The following EP300 variants were observed in gnomAD, a reference collection of about 807,000 sequenced individuals.
EP300 encodes histone acetyltransferase p300.
In EP300, 31 loss-of-function variants were observed where a neutral mutation model predicts 264.0. The ratio of observed to expected loss-of-function variants is 0.12; its 90% CI spans 0.09 to 0.16. The LOEUF (loss-of-function observed/expected upper bound fraction) is 0.16, where lower values mean the gene tolerates loss of function less well. Ranked by LOEUF, EP300 falls within the 10% of genes least tolerant of loss-of-function variation. The probability of loss-of-function intolerance (pLI) is 1.00; values close to 1 mark genes in which losing one functional copy is unlikely to be tolerated. For synonymous variants in EP300, 1,340 were observed against 1,045.4 expected (o/e 1.28, Z -5.44); for missense variants, 2,766 against 3,052.9 (o/e 0.91, Z 2.21).
Position 41,176,247 on chromosome 22 carries a change from GTCT to G in EP300, c.4785_4787del (p.Phe1596del). On this transcript the variant is annotated inframe_deletion and splice_region_variant, in exon 30 of 31. Transcript: ENST00000263253. ...AAAAAAGAGACTGTCTGTTTTTCAG[GTCT>G]TCTTTGTGATCCGCCTCATTGCTGG... 1 of 1,614,134 alleles carries G rather than the reference GTCT, an allele frequency of 6.2e-7. No individual in the cohort carries two copies. Among genetic ancestry groups the G allele is most frequent in the Non-Finnish European group, 8.5e-7 (1 of 1,180,014 alleles).
chr22:41,163,077 A>G (rs139063653), intron 21 of EP300, among the ~76,000 whole-genome samples: 19 of 152,326 alleles, frequency 1.2e-4, no homozygotes, highest in Admixed American at 2.6e-4. Context: ...AGATGTTCCT[A>G]AAATGGATGG....
At chr22:41,096,394 ATAGGAT>A (rs1229585571) in intron 1 of EP300, among the ~76,000 whole-genome samples, 1 of 152,108 alleles carries the variant, frequency 6.6e-6, no homozygotes, top group Non-Finnish European at 1.5e-5. Flanking sequence ...ACCTGGAAAG[ATAGGAT>A]TTTAGGATCT....
Position 41,179,038 on chromosome 22 carries a change from C to A in EP300, c.*82C>A. The stretch of plus-strand genomic sequence containing the variant: ...TGTACTGAAAACAATTTTTTTGAAT[C>A]TTTCGTAGCCTAAAAGACAATTTTC... On this transcript the variant is annotated 3_prime_UTR_variant, in exon 31 of 31. Coordinates refer to ENST00000263253, the MANE Select transcript of EP300 (RefSeq NM_001429.4). The A allele has an allele frequency of 6.5e-7, 1 of 1,527,208 alleles. No homozygotes were observed. The highest frequency in any genetic ancestry group is 1.4e-5 in the African/African-American group (1 of 73,066). 94.6% of individuals were successfully genotyped at this position (1,527,208 alleles called of 1,614,324 possible).
At chr22:41,135,519 A>G (rs1352785146) in intron 6 of EP300, among the ~76,000 whole-genome samples, 13 of 151,028 alleles carry the variant, frequency 8.6e-5, no homozygotes, top group Non-Finnish European at 1.9e-4. Context: ...TGGTCTCCTG[A>G]AGTGCTGAGA....
At chr22:41,130,868 A>G (rs2058915099) in intron 5 of EP300, among the ~76,000 whole-genome samples, 2 of 152,138 alleles carry the variant, frequency 1.3e-5, no homozygotes, top group Non-Finnish European at 2.9e-5. Flanking sequence ...CCACATCTCT[A>G]TAGCAACAAA....
chr22:41,170,955 G>A (rs1242159804), intron 27 of EP300, among the ~76,000 whole-genome samples: 1 of 143,092 alleles, frequency 7.0e-6, no homozygotes, highest in Non-Finnish European at 1.5e-5. Flanking sequence ...GAGCCACCGT[G>A]CCCAGCCTTT....
At chr22:41,094,712 C>A (rs1002803855) in intron 1 of EP300, among the ~76,000 whole-genome samples, 1 of 152,078 alleles carries the variant, frequency 6.6e-6, no homozygotes, top group Non-Finnish European at 1.5e-5. Flanking sequence ...GTGTTTCTTT[C>A]GTATTTGTGT....
rs569450790 is a variant in EP300, at chr22:41,117,627, G to A, written c.535G>A (p.Ala179Thr). ...MNAGMNPGML[A>T]AGNGQGIMPN... ...TGCGGGCATGAATCCTGGAATGTTG[G>A]CTGCAGGCAATGGACAAGGGATAAT... Residue 179 changes from alanine (A) to threonine (T), a missense_variant, in exon 2 of 31, where the codon GCT (alanine) becomes ACT (threonine). Ala to Thr is a moderately conservative substitution (Grantham distance 58). Transcript: ENST00000263253. 1 of 1,614,168 alleles carries A rather than the reference G, an allele frequency of 6.2e-7. No individual in the cohort carries two copies. Among genetic ancestry groups the A allele is most frequent in the African/African-American group, 1.3e-5 (1 of 75,034 alleles).
At chr22:41,136,737 G>T (rs2058953177) in intron 7 of EP300, among the ~76,000 whole-genome samples, 1 of 152,284 alleles carries the variant, frequency 6.6e-6, no homozygotes, top group Admixed American at 6.5e-5. Context: ...GTGTTAAAAT[G>T]ACAGCTTAGT....
chr22:41,169,763 C>T (rs2059159778), intron 26 of EP300, 147 bp downstream of exon 26: 1 of 643,660 alleles, frequency 1.6e-6, no homozygotes, highest in Non-Finnish European at 2.8e-6. Flanking sequence ...TGTTGGAGCC[C>T]CTTTGAAGTT....
chr22:41,099,981 T>C (rs1319240433), intron 1 of EP300, among the ~76,000 whole-genome samples: 2 of 152,234 alleles, frequency 1.3e-5, no homozygotes, highest in South Asian at 2.1e-4. Context: ...CTTTGGGAGA[T>C]TGAGGCAGGA....
intron 9 of EP300, 44 bp downstream of exon 9, chr22:41,140,301 G>A (rs201417514): frequency 6.8e-5 from 89 of 1,309,710 alleles, no homozygotes; most frequent in Middle Eastern, 3.6e-4. Context: ...GATTGAACCT[G>A]TTGTGGTTAT....
At chr22:41,161,667 A>T (rs1267092563) in intron 20 of EP300, among the ~76,000 whole-genome samples, 1 of 152,168 alleles carries the variant, frequency 6.6e-6, no homozygotes, top group Non-Finnish European at 1.5e-5. Flanking sequence ...GTAGGCAGTC[A>T]TTAGAATTCA....
rs1040452414 is a variant in EP300, at chr22:41,153,990, C to G, written c.3143-1005C>G. On this transcript the variant is annotated intron_variant, in intron 16 of 30. Transcript: ENST00000263253. ...CTGAAATTGAAAGCTTTTTAAATCA[C>G]TGGCTTCTCAAAGAACTGTTTGATT... Among the ~76,000 whole-genome samples the G allele has an allele frequency of 2.6e-5, 4 of 152,258 alleles. No individual in the cohort carries two copies. The East Asian group carries it at 5.8e-4, about 22-fold the overall frequency.
At chr22:41,126,434 A>C (rs2058883058) in intron 3 of EP300, 1 of 177,766 alleles carries the variant, frequency 5.6e-6, no homozygotes, top group Non-Finnish European at 1.2e-5. Context: ...ATTTGATTCT[A>C]CTACACCCAA....
chr22:41,092,632 G>T lies in EP300; in HGVS notation c.-373G>T. 2 of 635,460 alleles carry T rather than the reference G, an allele frequency of 3.1e-6. No individual in the cohort carries two copies. The highest frequency in any genetic ancestry group is 5.7e-6 in the Non-Finnish European group (2 of 350,790). 39.4% of individuals were successfully genotyped at this position (635,460 alleles called of 1,614,324 possible). ...AGCGCCGAGGAGGAAGAGGTTGATGGCGGCGGCGGAGCTCCGAGAGACCTC... is the reference window on the plus strand; with the variant it reads ...AGCGCCGAGGAGGAAGAGGTTGATGTCGGCGGCGGAGCTCCGAGAGACCTC... On this transcript the variant is annotated 5_prime_UTR_variant, in exon 1 of 31. Coordinates refer to ENST00000263253, the MANE Select transcript of EP300 (RefSeq NM_001429.4).
Position 41,158,466 on chromosome 22 carries a change from C to T in EP300, c.3556C>T (p.Pro1186Ser), listed in dbSNP as rs2145749686. The change falls in exon 19 of 31, where the codon CCT becomes TCT. Residue 1186 changes from proline to serine, a missense_variant. Coordinates refer to ENST00000263253, the MANE Select transcript of EP300 (RefSeq NM_001429.4). ...CCYGKQLCTI[P>S]RDATYYSYQN... ...CTACGGCAAACAGTTGTGCACAATA[C>T]CTCGTGATGCCACTTATTACAGTTA... 1 of 1,614,150 alleles carries T rather than the reference C, an allele frequency of 6.2e-7. No individual in the cohort carries two copies. Among genetic ancestry groups the T allele is most frequent in the Non-Finnish European group, 8.5e-7 (1 of 1,180,014 alleles).
intron 10 of EP300, among the ~76,000 whole-genome samples, chr22:41,142,507 C>G (rs1016644896): frequency 6.6e-6 from 1 of 152,014 alleles, no homozygotes; most frequent in Non-Finnish European, 1.5e-5. Context: ...GTAGTTAGAA[C>G]AAATTTTCAG....
At chr22:41,169,381 C>G in intron 25 of EP300, 122 bp from the exon 26 acceptor site, 1 of 729,054 alleles carries the variant, frequency 1.4e-6, no homozygotes, top group Non-Finnish European at 2.4e-6. Flanking sequence ...ATGAGCTTCA[C>G]AAATAACGAT....
Sources: allele counts gnomAD v4.1 joint callset (sites outside exome capture counted in the v4.1 genomes callset), GRCh38; gene constraint gnomAD v4.1.1; transcripts MANE v1.5; gene names NCBI Gene and HGNC (gene_info 2026-07-23, HGNC 2026-07-21).